TMEM123: variants seen among roughly 807,000 people sequenced by gnomAD.
TMEM123 encodes porimin.
TMEM123 carries 16 observed loss-of-function variants against 19.7 expected under a neutral mutation model. The observed-to-expected ratio is 0.81, with a 90% CI of 0.55 to 1.23. The LOEUF is 1.23. Ranked by LOEUF, TMEM123 falls within the 50% of genes most tolerant of loss-of-function variation. The pLI is 0.00. For synonymous variants in TMEM123, 118 were observed against 99.4 expected (o/e 1.19, Z -1.12); for missense variants, 313 against 257.8 (o/e 1.21, Z -1.47).
chr11:102,418,513 A>G (rs1042231417), intron 2 of TMEM123, among the ~76,000 whole-genome samples: 4 of 152,236 alleles, frequency 2.6e-5, no homozygotes, highest in African/African-American at 9.6e-5. Flanking sequence ...AAAAAATAAC[A>G]GATACTGGCA....
intron 2 of TMEM123, among the ~76,000 whole-genome samples, chr11:102,404,449 A>C (rs193178673): frequency 1.3e-5 from 2 of 151,486 alleles, no homozygotes; most frequent in African/African-American, 2.4e-5. Flanking sequence ...ACGCCTGGCT[A>C]ATTTTTGTAT....
intron 2 of TMEM123, among the ~76,000 whole-genome samples, chr11:102,424,077 C>G (rs1952106662): frequency 6.6e-6 from 1 of 152,076 alleles, no homozygotes; most frequent in Non-Finnish European, 1.5e-5. Flanking sequence ...TGATTAAAAG[C>G]AGCAAATTGA....
At position 102,401,983 on chromosome 11, in the gene TMEM123, C is replaced by A. The variant is rs1054648037; in HGVS notation, c.381G>T (p.Gln127His). ...KTTSVSQNTS[Q>H]ISTSTMTVTH... ...TTACGGTCATTGTGGATGTTGATAT[C>A]TGAGATGTGTTCTGTGAAACACTTG... Residue 127 changes from glutamine (Q) to histidine (H), a missense_variant, in exon 3 of 5, where the codon CAG becomes CAT. By Grantham distance (24) the Gln-to-His change is conservative (BLOSUM62 0). Transcript: ENST00000398136. 2.5e-6 allele frequency: 4 copies of A among 1,614,018 alleles called. No homozygotes were observed. The highest frequency in any genetic ancestry group is 3.4e-6 in the Non-Finnish European group (4 of 1,180,034).
chr11:102,452,394 T>C, intron 1 of TMEM123, 130 bp downstream of exon 1: 2 of 790,758 alleles, frequency 2.5e-6, no homozygotes, highest in Non-Finnish European at 3.5e-6. Context: ...CCCGGTCACC[T>C]CTGGGTCCGC....
In TMEM123 at chr11:102,438,092, C is replaced by CA. The variant is rs1857784227; in HGVS notation, c.157+10719dup. ...TTTTTGAGACAAAGTCTTGCTCTGT[C>CA]ACCCAGGCTGGAGTGCAGTGGCACA... On this transcript the variant is annotated intron_variant, in intron 2 of 4. Transcript: ENST00000398136. 5.3e-5 allele frequency among the ~76,000 whole-genome samples: 8 copies of CA among 152,294 alleles called. No individual in the cohort carries two copies. The South Asian group carries it at 1.7e-3, about 32-fold the overall frequency.
At chr11:102,415,468 G>A (rs765003031) in intron 2 of TMEM123, among the ~76,000 whole-genome samples, 1 of 152,060 alleles carries the variant, frequency 6.6e-6, no homozygotes, top group Non-Finnish European at 1.5e-5. Flanking sequence ...AACAAATTAC[G>A]ATTCTCAAAA....
chr11:102,412,952 A>G (rs1471686446), intron 2 of TMEM123, among the ~76,000 whole-genome samples: 3 of 152,214 alleles, frequency 2.0e-5, no homozygotes, highest in African/African-American at 7.2e-5. Context: ...AAGGATGAGA[A>G]AATAAGTAAC....
intron 2 of TMEM123, among the ~76,000 whole-genome samples, chr11:102,403,480 T>C (rs1283075172): frequency 6.6e-6 from 1 of 152,244 alleles, no homozygotes; most frequent in Admixed American, 6.5e-5. Flanking sequence ...CAACTATAGG[T>C]ACCTATTAGG....
At chr11:102,447,522 C>A (rs1481801604) in intron 2 of TMEM123, among the ~76,000 whole-genome samples, 1 of 152,140 alleles carries the variant, frequency 6.6e-6, no homozygotes, top group Non-Finnish European at 1.5e-5. Context: ...AAAATGGTGT[C>A]TATTGCTAAT....
rs150636300 is a variant in TMEM123, at chr11:102,449,011, T to C, written c.101-143A>G. On this transcript the variant is annotated intron_variant, in intron 1 of 4. Coordinates refer to ENST00000398136, the MANE Select transcript of TMEM123 (RefSeq NM_052932.3). ...ACAGGAAGTTCTACTTTGGCCCCTGTTGTTATGAAACATATCTTGAAGCTG... is the reference window on the plus strand; with the variant it reads ...ACAGGAAGTTCTACTTTGGCCCCTGCTGTTATGAAACATATCTTGAAGCTG... 4.2e-5 allele frequency: 32 copies of C among 762,886 alleles called. No homozygotes were observed. In the Middle Eastern group the frequency reaches 1.1e-3, roughly 27 times the overall value. The allele number at this position is 762,886 out of a possible 1,614,324, so 47.3% of individuals were successfully genotyped here.
At chr11:102,428,602 C>T (rs550770947) in intron 2 of TMEM123, among the ~76,000 whole-genome samples, 5 of 151,402 alleles carry the variant, frequency 3.3e-5, no homozygotes, top group African/African-American at 9.7e-5. Context: ...CCAGTGTGCC[C>T]GGCCCCCCCA....
At chr11:102,417,024 C>T (rs776491127) in intron 2 of TMEM123, among the ~76,000 whole-genome samples, 30 of 152,316 alleles carry the variant, frequency 2.0e-4, no homozygotes, top group Admixed American at 3.3e-4. Flanking sequence ...GACAAACCTA[C>T]GGCTAACATC....
At position 102,397,996 on chromosome 11, in the gene TMEM123, A is replaced by G. The variant is rs1951876144; in HGVS notation, c.*871T>C. The G allele has an allele frequency of 6.6e-6, 1 of 152,204 alleles. No homozygotes were observed. Among genetic ancestry groups the G allele is most frequent in the African/African-American group, 2.4e-5 (1 of 41,466 alleles). 9.4% of individuals were successfully genotyped at this position (152,204 alleles called of 1,614,324 possible). On this transcript the variant is annotated 3_prime_UTR_variant, in exon 5 of 5. Coordinates refer to ENST00000398136, the MANE Select transcript of TMEM123 (RefSeq NM_052932.3). Reference sequence around the variant, plus strand: ...TCTTAAAATATTCACAAAATATAAAATTAAAATTAAATGAACTAAAGTAAC... The same window carrying G: ...TCTTAAAATATTCACAAAATATAAAGTTAAAATTAAATGAACTAAAGTAAC...
intron 2 of TMEM123, among the ~76,000 whole-genome samples, chr11:102,423,846 A>G (rs140711147): frequency 1.1e-4 from 16 of 152,224 alleles, no homozygotes; most frequent in African/African-American, 3.4e-4. Flanking sequence ...ACGCATACTT[A>G]TTTTTTTATA....
chr11:102,413,204 G>A (rs749048809), intron 2 of TMEM123, among the ~76,000 whole-genome samples: 27 of 152,152 alleles, frequency 1.8e-4, no homozygotes, highest in Non-Finnish European at 2.6e-4. Context: ...AAGAACTTTT[G>A]AAGGCTGTAT....
At chr11:102,450,078 C>T (rs1462909108) in intron 1 of TMEM123, among the ~76,000 whole-genome samples, 1 of 152,162 alleles carries the variant, frequency 6.6e-6, no homozygotes, top group African/African-American at 2.4e-5. Flanking sequence ...CTCATCCCAC[C>T]CTCCAATCCA....
At chr11:102,437,400 G>T (rs907235075) in intron 2 of TMEM123, among the ~76,000 whole-genome samples, 3 of 150,958 alleles carry the variant, frequency 2.0e-5, no homozygotes, top group Non-Finnish European at 2.9e-5. Flanking sequence ...GGAGGTTTCA[G>T]TGAGTTGAGA....
At chr11:102,416,317 A>C (rs1263784476) in intron 2 of TMEM123, among the ~76,000 whole-genome samples, 3 of 152,242 alleles carry the variant, frequency 2.0e-5, no homozygotes, top group African/African-American at 7.2e-5. Context: ...CAGAAATGAT[A>C]AAGGAAACAT....
intron 2 of TMEM123, among the ~76,000 whole-genome samples, chr11:102,408,547 G>A (rs1373807256): frequency 6.6e-6 from 1 of 152,088 alleles, no homozygotes. Context: ...TATAAATCAG[G>A]GCTATCACAA....
Sources: gnomAD v4.1 joint callset for allele counts (sites outside exome capture counted in the v4.1 genomes callset) on GRCh38, gnomAD v4.1.1 for gene constraint, MANE v1.5 for transcripts, NCBI Gene and HGNC (gene_info 2026-07-23, HGNC 2026-07-21) for gene names.